Variants in KCTD16 observed in about 807,000 individuals in gnomAD.
The protein encoded by KCTD16 is potassium channel tetramerization domain containing 16.
In KCTD16, 13 loss-of-function variants were observed where a neutral mutation model predicts 33.2. That is an observed-to-expected ratio of 0.39 (90% confidence interval 0.25 to 0.62). The LOEUF (loss-of-function observed/expected upper bound fraction) is 0.62, where lower values mean the gene tolerates loss of function less well. Among genes scored for constraint, KCTD16 ranks in the 20% least tolerant of loss-of-function variants. The pLI, the probability that KCTD16 is intolerant of heterozygous loss-of-function variation, is 0.50. For synonymous variants in KCTD16, 197 were observed against 195.3 expected (o/e 1.01, Z -0.07); for missense variants, 441 against 525.1 (o/e 0.84, Z 1.57).
chr5:144,303,109 C>T (rs1239699155), intron 3 of KCTD16, among the ~76,000 whole-genome samples: 1 of 152,198 alleles, frequency 6.6e-6, no homozygotes, highest in East Asian at 1.9e-4. Context: ...TTTCAAAAGG[C>T]CTGTGGTTTG....
chr5:144,202,346 A>T (rs1417669166), intron 2 of KCTD16, among the ~76,000 whole-genome samples: 4 of 152,216 alleles, frequency 2.6e-5, no homozygotes, highest in African/African-American at 9.6e-5. Context: ...GCTTACCGAC[A>T]ACTTCCCTGA....
intron 2 of KCTD16, among the ~76,000 whole-genome samples, chr5:144,188,118 A>C (rs891945166): frequency 6.6e-6 from 1 of 152,190 alleles, no homozygotes; most frequent in African/African-American, 2.4e-5. Context: ...TCACAACAGC[A>C]AGGCTTCTTT....
rs150022576 is a variant in KCTD16, at chr5:144,290,217, T to C, written c.832+82671T>C. Among the ~76,000 whole-genome samples, 176 of 152,048 alleles carry C rather than the reference T, an allele frequency of 1.2e-3. 2 individuals are homozygous for C. The East Asian group carries it at 0.026, about 22-fold the overall frequency. ...GGCTGAAGTGGGAGAATTGCTTGAG[T>C]CCCTGAGGCAGAGATTGCAGTGAGC... On this transcript the variant is annotated intron_variant, in intron 3 of 3. Transcript: ENST00000512467.
chr5:144,185,386 A>G (rs1163558747), intron 2 of KCTD16, among the ~76,000 whole-genome samples: 1 of 152,226 alleles, frequency 6.6e-6, no homozygotes, highest in Non-Finnish European at 1.5e-5. Flanking sequence ...AGTGGATGCC[A>G]AGTCTAGGGT....
intron 3 of KCTD16, among the ~76,000 whole-genome samples, chr5:144,344,507 A>G (rs974038624): frequency 6.6e-6 from 1 of 151,980 alleles, no homozygotes; most frequent in Non-Finnish European, 1.5e-5. Context: ...CAAATTTACA[A>G]GAAAAAAACA....
chr5:144,216,844 GAAAAAAAAA>G (rs374252586), intron 3 of KCTD16, among the ~76,000 whole-genome samples: 1 of 121,220 alleles, frequency 8.2e-6, no homozygotes, highest in African/African-American at 3.2e-5. Context: ...ACTCTGTCTG[GAAAAAAAAA>G]AAAAAAAGAA....
At chr5:144,335,048 G>C (rs1342906310) in intron 3 of KCTD16, among the ~76,000 whole-genome samples, 1 of 151,942 alleles carries the variant, frequency 6.6e-6, no homozygotes, top group Non-Finnish European at 1.5e-5. Context: ...CCAAAGTTCT[G>C]GGATTACAGA....
intron 3 of KCTD16, among the ~76,000 whole-genome samples, chr5:144,252,083 A>G (rs1285472456): frequency 6.6e-6 from 1 of 152,174 alleles, no homozygotes; most frequent in African/African-American, 2.4e-5. Flanking sequence ...ATTGCTTCAC[A>G]TAGTTATTAT....
chr5:144,304,912 T>C (rs1405250905), intron 3 of KCTD16, among the ~76,000 whole-genome samples: 1 of 151,112 alleles, frequency 6.6e-6, no homozygotes, highest in Non-Finnish European at 1.5e-5. Context: ...CACAGAACAC[T>C]AGGGCCAAAG....
intron 3 of KCTD16, among the ~76,000 whole-genome samples, chr5:144,463,431 A>G (rs1754248726): frequency 6.6e-6 from 1 of 150,906 alleles, no homozygotes; most frequent in South Asian, 2.1e-4. Context: ...TTCAGTGGAC[A>G]TTGAATATTT....
chr5:144,443,369 A>G (rs1426687345), intron 3 of KCTD16, among the ~76,000 whole-genome samples: 1 of 151,962 alleles, frequency 6.6e-6, no homozygotes, highest in African/African-American at 2.4e-5. Flanking sequence ...ATTTCTAAAT[A>G]CCTTAACAGT....
At chr5:144,209,318 C>T (rs370362199) in intron 3 of KCTD16, among the ~76,000 whole-genome samples, 11 of 152,160 alleles carry the variant, frequency 7.2e-5, no homozygotes, top group East Asian at 1.9e-4. Flanking sequence ...CTGTCCAACA[C>T]GATTTCCCTT....
intron 3 of KCTD16, among the ~76,000 whole-genome samples, chr5:144,242,857 C>T (rs1482346497): frequency 1.3e-5 from 2 of 152,180 alleles, no homozygotes; most frequent in African/African-American, 4.8e-5. Context: ...CATGAGGGAT[C>T]TAACCCCATG....
At chr5:144,281,402 A>C (rs1463436530) in intron 3 of KCTD16, among the ~76,000 whole-genome samples, 4 of 152,164 alleles carry the variant, frequency 2.6e-5, no homozygotes, top group African/African-American at 9.6e-5. Context: ...GTTCATTTTC[A>C]TTCAATTCAG....
chr5:144,322,254 G>T (rs550199319), intron 3 of KCTD16, among the ~76,000 whole-genome samples: 69 of 152,192 alleles, frequency 4.5e-4, no homozygotes, highest in Non-Finnish European at 8.5e-4. Context: ...TACCTGCCTA[G>T]CATCCCCAAG....
intron 3 of KCTD16, among the ~76,000 whole-genome samples, chr5:144,408,775 C>G (rs1424506403): frequency 6.6e-6 from 1 of 152,162 alleles, no homozygotes; most frequent in Admixed American, 6.5e-5. Context: ...TCTTTGCTCC[C>G]TATACTCCTG....
At chr5:144,308,839 C>A (rs1751679574) in intron 3 of KCTD16, among the ~76,000 whole-genome samples, 2 of 139,174 alleles carry the variant, frequency 1.4e-5, no homozygotes, top group Admixed American at 7.1e-5. Flanking sequence ...GTGATGGCTT[C>A]TCCCTCCCTC....
At chr5:144,198,097 A>G (rs1752972088) in intron 2 of KCTD16, among the ~76,000 whole-genome samples, 1 of 152,190 alleles carries the variant, frequency 6.6e-6, no homozygotes, top group Admixed American at 6.5e-5. Context: ...GACCTGACCA[A>G]ATGAAAAGAT....
intron 3 of KCTD16, among the ~76,000 whole-genome samples, chr5:144,368,138 C>T (rs1001103806): frequency 5.3e-5 from 8 of 151,724 alleles, no homozygotes; most frequent in African/African-American, 1.9e-4. Context: ...GCGAGAGTAA[C>T]TCCTGCATAT....
Sources: gnomAD v4.1 joint callset for allele counts (sites outside exome capture counted in the v4.1 genomes callset) on GRCh38, gnomAD v4.1.1 for gene constraint, MANE v1.5 for transcripts, NCBI Gene and HGNC (gene_info 2026-07-23, HGNC 2026-07-21) for gene names.